Variants in MARCHF1 observed in about 807,000 individuals in gnomAD.
The protein encoded by MARCHF1 is E3 ubiquitin-protein ligase MARCHF1.
MARCHF1 carries 40 observed loss-of-function variants against 54.2 expected under a neutral mutation model. The observed-to-expected ratio is 0.74, with a 90% CI of 0.57 to 0.96. The LOEUF (loss-of-function observed/expected upper bound fraction) is 0.96. Among genes scored for constraint, MARCHF1 ranks in the 40% least tolerant of loss-of-function variants. MARCHF1 has a pLI of 0.00. For missense variants in MARCHF1, 586 were observed against 656.5 expected (o/e 0.89, Z 1.17); for synonymous variants, 236 against 236.3 (o/e 1.00, Z 0.01).
At chr4:163,631,265 T>C (rs1400313806) in intron 5 of MARCHF1, among the ~76,000 whole-genome samples, 1 of 151,654 alleles carries the variant, frequency 6.6e-6, no homozygotes, top group African/African-American at 2.4e-5. Flanking sequence ...TGATCTCGGC[T>C]CACTGCAACC....
chr4:163,952,692 G>A (rs1052590830), intron 3 of MARCHF1, among the ~76,000 whole-genome samples: 2 of 152,076 alleles, frequency 1.3e-5, no homozygotes, highest in African/African-American at 2.4e-5. Flanking sequence ...CTTTGAGAAA[G>A]TACAAAAGTC....
intron 1 of MARCHF1, among the ~76,000 whole-genome samples, chr4:164,211,641 G>A (rs976340153): frequency 3.9e-5 from 6 of 152,074 alleles, no homozygotes; most frequent in African/African-American, 1.2e-4. Flanking sequence ...TAGAACTGTA[G>A]AAGGAAACAA....
intron 1 of MARCHF1, among the ~76,000 whole-genome samples, chr4:164,150,917 T>C (rs1261847228): frequency 3.9e-5 from 6 of 152,086 alleles, no homozygotes; most frequent in Non-Finnish European, 5.9e-5. Context: ...CCCAAAGTAA[T>C]CACAAGTGTC....
intron 2 of MARCHF1, among the ~76,000 whole-genome samples, chr4:164,090,939 T>C (rs961424338): frequency 6.6e-6 from 1 of 152,000 alleles, no homozygotes; most frequent in African/African-American, 2.4e-5. Context: ...GAAACACATT[T>C]GATTGAAGTG....
intron 1 of MARCHF1, among the ~76,000 whole-genome samples, chr4:164,292,503 T>C (rs1453623836): frequency 1.3e-5 from 2 of 152,164 alleles, no homozygotes; most frequent in African/African-American, 4.8e-5. Flanking sequence ...TCAGATAACA[T>C]GTAAAAATCA....
intron 3 of MARCHF1, among the ~76,000 whole-genome samples, chr4:163,863,056 CTA>C (rs1749975187): frequency 6.6e-6 from 1 of 151,972 alleles, no homozygotes; most frequent in Admixed American, 6.6e-5. Flanking sequence ...GGCAGTGAAA[CTA>C]TTTTGTATGA....
At chr4:163,787,203 C>T (rs1292124144) in intron 4 of MARCHF1, among the ~76,000 whole-genome samples, 1 of 151,336 alleles carries the variant, frequency 6.6e-6, no homozygotes, top group Non-Finnish European at 1.5e-5. Flanking sequence ...GAAGCAAAGA[C>T]AACAAAAGAA....
intron 1 of MARCHF1, among the ~76,000 whole-genome samples, chr4:164,141,354 C>G (rs1486528276): frequency 6.6e-6 from 1 of 152,166 alleles, no homozygotes; most frequent in Non-Finnish European, 1.5e-5. Flanking sequence ...CATCTAAAAA[C>G]CAGCCCCAGC....
rs191247134 is a variant in MARCHF1, at chr4:163,911,641, C to A, written c.-38-57472G>T. Among the ~76,000 whole-genome samples the A allele has an allele frequency of 3.4e-3, 514 of 152,164 alleles. 4 individuals are homozygous for A. The highest frequency in any genetic ancestry group is 0.014 in the Middle Eastern group (4 of 294). ...AAAATTCTTATGTTGAAGTCCTAAC[C>A]GCCAGTACCTCAGAATGTGACTGTA... On this transcript the variant is annotated intron_variant, in intron 3 of 9. Coordinates refer to ENST00000514618, the MANE Select transcript of MARCHF1 (RefSeq NM_001394959.1).
chr4:164,233,439 C>T (rs1732469097), intron 1 of MARCHF1, among the ~76,000 whole-genome samples: 1 of 152,148 alleles, frequency 6.6e-6, no homozygotes, highest in Admixed American at 6.6e-5. Flanking sequence ...GATATTGCCA[C>T]TGACTAAAAT....
At chr4:164,005,805 T>A (rs1367678767) in intron 2 of MARCHF1, among the ~76,000 whole-genome samples, 1 of 152,124 alleles carries the variant, frequency 6.6e-6, no homozygotes, top group Non-Finnish European at 1.5e-5. Context: ...AGGAGTTCCA[T>A]TTCACAGGGC....
intron 3 of MARCHF1, among the ~76,000 whole-genome samples, chr4:163,971,598 C>A (rs1349688866): frequency 6.6e-6 from 1 of 152,108 alleles, no homozygotes; most frequent in Non-Finnish European, 1.5e-5. Flanking sequence ...GCAAATGTGG[C>A]CAAATGGCTT....
At chr4:164,120,167 CA>C (rs1756036187) in intron 1 of MARCHF1, among the ~76,000 whole-genome samples, 2 of 151,766 alleles carry the variant, frequency 1.3e-5, no homozygotes, top group Admixed American at 6.6e-5. Context: ...CAATGGAAAC[CA>C]AAAGAGAGCA....
intron 5 of MARCHF1, among the ~76,000 whole-genome samples, chr4:163,615,576 G>T (rs1405065532): frequency 8.0e-6 from 1 of 125,160 alleles, no homozygotes; most frequent in African/African-American, 2.6e-5. Context: ...AGAAATTGAA[G>T]AGGAATAAAA....
chr4:164,146,890 T>C (rs1349891744), intron 1 of MARCHF1, among the ~76,000 whole-genome samples: 1 of 149,980 alleles, frequency 6.7e-6, no homozygotes, highest in Non-Finnish European at 1.5e-5. Context: ...ACAGGCAACC[T>C]ACAAAATGGG....
intron 2 of MARCHF1, among the ~76,000 whole-genome samples, chr4:164,045,972 A>G (rs1293386554): frequency 6.6e-6 from 1 of 152,206 alleles, no homozygotes; most frequent in Admixed American, 6.5e-5. Flanking sequence ...CTGGCAGAAG[A>G]CACAAGATTC....
chr4:164,242,313 C>T (rs577222834), intron 1 of MARCHF1, among the ~76,000 whole-genome samples: 9 of 145,480 alleles, frequency 6.2e-5, no homozygotes, highest in African/African-American at 2.3e-4. Context: ...CAAGTGGGTC[C>T]CTGACCCCTG....
chr4:163,843,577 C>T lies in MARCHF1; in HGVS notation c.111+10444G>A, dbSNP rs528254526. On this transcript the variant is annotated intron_variant, in intron 4 of 9. Coordinates refer to ENST00000514618, the MANE Select transcript of MARCHF1 (RefSeq NM_001394959.1). ...AGTTCCAGGGTACATGTGCAGGATG[C>T]GCAGGTTTGTTACATAGGTAAGCAT... 2.5e-4 allele frequency among the ~76,000 whole-genome samples: 38 copies of T among 151,776 alleles called. 1 individual carries two copies. In the South Asian group the frequency reaches 3.1e-3, roughly 12 times the overall value.
chr4:164,042,226 T>C (rs1351889626), intron 2 of MARCHF1, among the ~76,000 whole-genome samples: 1 of 152,064 alleles, frequency 6.6e-6, no homozygotes, highest in Non-Finnish European at 1.5e-5. Context: ...GCTGAACAAG[T>C]AGGGATTCAT....
Sources: gnomAD v4.1 joint callset for allele counts (sites outside exome capture counted in the v4.1 genomes callset) on GRCh38, gnomAD v4.1.1 for gene constraint, MANE v1.5 for transcripts, NCBI Gene and HGNC (gene_info 2026-07-23, HGNC 2026-07-21) for gene names.